RIN3: variants seen among roughly 807,000 people sequenced by gnomAD.
RIN3 encodes RAB5 interacting protein 3.
A neutral mutation model predicts 76.3 loss-of-function variants in RIN3; 54 were observed. The ratio of observed to expected loss-of-function variants is 0.71; its 90% CI spans 0.57 to 0.89. The LOEUF (loss-of-function observed/expected upper bound fraction) is 0.89, where lower values mean the gene tolerates loss of function less well. RIN3 is among the 40% of genes least tolerant of loss of function. RIN3 has a pLI of 0.00. For synonymous variants in RIN3, 576 were observed against 564.0 expected, an observed-to-expected ratio of 1.02 and a Z score of -0.30; for missense variants, 1,256 against 1,322.1, an observed-to-expected ratio of 0.95 and a Z score of 0.78.
Position 92,555,940 on chromosome 14 carries a change from C to T in RIN3, c.234C>T (p.His78=), listed in dbSNP as rs751111717. The change falls in exon 2 of 10, where the codon CAC becomes CAT. Residue 78 remains histidine, a synonymous_variant. Transcript: ENST00000216487. ...AGGCAGAGGTGGCCAGGATCCTGCA[C>T]CGGGTGGTGGCTGGGGTGAGTGGGG... ...LGQAEVARIL[H]RVVAGMFLVR... 2 of 1,612,400 alleles carry T rather than the reference C, an allele frequency of 1.2e-6. No homozygotes were observed. The highest frequency in any genetic ancestry group is 1.7e-6 in the Non-Finnish European group (2 of 1,179,956).
chr14:92,516,372 C>G (rs1896442957), intron 1 of RIN3, among the ~76,000 whole-genome samples: 1 of 152,172 alleles, frequency 6.6e-6, no homozygotes, highest in Admixed American at 6.5e-5. Flanking sequence ...CTTAACCACT[C>G]CAGGCTGAGA....
intron 1 of RIN3, among the ~76,000 whole-genome samples, chr14:92,519,650 C>T (rs762279513): frequency 3.9e-5 from 6 of 152,210 alleles, no homozygotes; most frequent in Non-Finnish European, 7.3e-5. Flanking sequence ...TGAGGGATGG[C>T]GCTCTCTGCC....
Position 92,603,545 on chromosome 14 carries a change from A to T in RIN3, c.368-11862A>T, listed in dbSNP as rs377078990. 1.6e-4 allele frequency among the ~76,000 whole-genome samples: 25 copies of T among 152,274 alleles called. 1 individual carries two copies. The highest frequency in any genetic ancestry group is 5.5e-4 in the African/African-American group (23 of 41,552). On this transcript the variant is annotated intron_variant, in intron 3 of 9. Transcript: ENST00000216487. ...AAGCAAGTCTCAAGAGTCTCATGGT[A>T]TGTGGTTGGTGGACCCAGGGGCCTG... is the stretch of plus-strand genomic sequence containing the variant.
chr14:92,556,671 A>G (rs532062250), intron 2 of RIN3, among the ~76,000 whole-genome samples: 2 of 152,318 alleles, frequency 1.3e-5, no homozygotes, highest in East Asian at 3.9e-4. Context: ...AGCTCATCAT[A>G]TGTTCCTTTC....
At chr14:92,650,692 C>G (rs1266146633) in intron 5 of RIN3, among the ~76,000 whole-genome samples, 1 of 152,186 alleles carries the variant, frequency 6.6e-6, no homozygotes, top group African/African-American at 2.4e-5. Flanking sequence ...CAATTGTTCC[C>G]AAGATGTAGC....
chr14:92,544,503 A>G (rs530126896), intron 1 of RIN3, among the ~76,000 whole-genome samples: 5 of 150,684 alleles, frequency 3.3e-5, no homozygotes, highest in African/African-American at 1.2e-4. Flanking sequence ...TCCCGGGGCT[A>G]GACTCATCTT....
chr14:92,546,461 T>G (rs1897268313), intron 1 of RIN3, among the ~76,000 whole-genome samples: 2 of 152,238 alleles, frequency 1.3e-5, no homozygotes, highest in African/African-American at 4.8e-5. Flanking sequence ...ATTTCCTGCC[T>G]TTTAACAGCT....
At chr14:92,585,878 G>A (rs1020151966) in intron 3 of RIN3, among the ~76,000 whole-genome samples, 1 of 152,180 alleles carries the variant, frequency 6.6e-6, no homozygotes, top group Non-Finnish European at 1.5e-5. Flanking sequence ...AGAGGGATTG[G>A]TGTCGAGAAG....
intron 5 of RIN3, 84 bp downstream of exon 5, chr14:92,641,413 G>A (rs1887008758): frequency 3.9e-6 from 4 of 1,023,230 alleles, no homozygotes; most frequent in South Asian, 1.3e-5. Context: ...CGCCTGTGCA[G>A]AGGGACAGCC....
Position 92,686,948 on chromosome 14 carries a change from C to A in RIN3, c.2632-978C>A, listed in dbSNP as rs529346292. ...GAAGAAATGGGCGGTCCCCGTGAAGCTCTTGACAGGAGCCCGGCCTCGCCT... is the reference window on the plus strand; with the variant it reads ...GAAGAAATGGGCGGTCCCCGTGAAGATCTTGACAGGAGCCCGGCCTCGCCT... On this transcript the variant is annotated intron_variant, in intron 9 of 9. Coordinates refer to ENST00000216487, the MANE Select transcript of RIN3 (RefSeq NM_024832.5). 3 of 152,372 alleles carry A rather than the reference C, an allele frequency of 2.0e-5. No homozygotes were observed. In the East Asian group the frequency reaches 5.8e-4, roughly 29 times the overall value. 9.4% of individuals were successfully genotyped at this position (152,372 alleles called of 1,614,324 possible). A position where few individuals can be genotyped will look rare whatever the true frequency, so the allele number is the denominator to read the frequency against.
chr14:92,641,177 T>C, intron 4 of RIN3, 61 bp from the exon 5 acceptor site: 1 of 1,302,286 alleles, frequency 7.7e-7, no homozygotes, highest in Non-Finnish European at 1.1e-6. Flanking sequence ...TCTTCCTTTG[T>C]GGAGGCTGGG....
rs1442328707 is a variant in RIN3 at position 92,688,354 on chromosome 14, C to T, written c.*102C>T. On this transcript the variant is annotated 3_prime_UTR_variant, in exon 10 of 10. Coordinates refer to ENST00000216487, the MANE Select transcript of RIN3 (RefSeq NM_024832.5). ...CGTCCACGCAGCAGAGGGACATGGG[C>T]CATTCCATGACGTGCCCAGGCCAAC... 2.6e-6 allele frequency: 3 copies of T among 1,172,558 alleles called. No individual in the cohort carries two copies. Among genetic ancestry groups the T allele is most frequent in the African/African-American group, 3.1e-5 (2 of 64,258 alleles). The allele number at this position is 1,172,558 out of a possible 1,614,324, so 72.6% of individuals were successfully genotyped here. A position where few individuals can be genotyped will look rare whatever the true frequency, so the allele number is the denominator to read the frequency against.
chr14:92,571,227 C>G (rs1182593622), intron 2 of RIN3, among the ~76,000 whole-genome samples: 1 of 152,190 alleles, frequency 6.6e-6, no homozygotes, highest in East Asian at 1.9e-4. Flanking sequence ...TCTCTCTGAA[C>G]CTATTCTGGT....
intron 3 of RIN3, among the ~76,000 whole-genome samples, chr14:92,584,382 T>C (rs1293692568): frequency 1.3e-5 from 2 of 152,114 alleles, no homozygotes; most frequent in African/African-American, 4.8e-5. Context: ...TCCCTTCACA[T>C]CTCATTGGCT....
At chr14:92,516,363 T>G (rs1025608567) in intron 1 of RIN3, among the ~76,000 whole-genome samples, 1 of 152,180 alleles carries the variant, frequency 6.6e-6, no homozygotes, top group Non-Finnish European at 1.5e-5. Context: ...GAGGAGCCCC[T>G]TAACCACTCC....
intron 7 of RIN3, among the ~76,000 whole-genome samples, chr14:92,665,225 T>A (rs112337562): frequency 6.6e-6 from 1 of 152,190 alleles, no homozygotes; most frequent in Non-Finnish European, 1.5e-5. Flanking sequence ...GGCAACTATT[T>A]GTGTATCTGA....
rs575019856 is a variant in RIN3, at chr14:92,565,930, T to G, written c.249+9975T>G. On this transcript the variant is annotated intron_variant, in intron 2 of 9. Transcript: ENST00000216487. The stretch of plus-strand genomic sequence containing the variant: ...CCCCTATTTAAGATGGAGCTGCTCT[T>G]GAGCTGTAAGAAAGTTGCTCTGGAG... Among the ~76,000 whole-genome samples, 3 of 152,352 alleles carry G rather than the reference T, an allele frequency of 2.0e-5. No individual in the cohort carries two copies. The East Asian group carries it at 5.8e-4, about 29-fold the overall frequency.
intron 8 of RIN3, among the ~76,000 whole-genome samples, chr14:92,680,146 G>A (rs1346940982): frequency 2.6e-5 from 4 of 151,896 alleles, no homozygotes; most frequent in Non-Finnish European, 5.9e-5. Context: ...TTCATAGATG[G>A]TGGGTTCTTG....
chr14:92,675,691 A>G (rs1033941994), intron 7 of RIN3, among the ~76,000 whole-genome samples: 1 of 152,212 alleles, frequency 6.6e-6, no homozygotes, highest in Non-Finnish European at 1.5e-5. Context: ...GGAAGATTCT[A>G]TTCTGGTCAG....
Sources: allele counts gnomAD v4.1 joint callset (sites outside exome capture counted in the v4.1 genomes callset), GRCh38; gene constraint gnomAD v4.1.1; transcripts MANE v1.5; gene names NCBI Gene and HGNC (gene_info 2026-07-23, HGNC 2026-07-21).